The following DENND2A variants were observed in gnomAD, a reference collection of about 807,000 sequenced individuals.
DENND2A encodes DENN domain containing 2A.
DENND2A carries 53 observed loss-of-function variants against 105.3 expected under a neutral mutation model. That is an observed-to-expected ratio of 0.50 (90% CI 0.40 to 0.63). The LOEUF is 0.63. DENND2A is among the 30% of genes least tolerant of loss of function. The pLI, the probability that DENND2A is intolerant of heterozygous loss-of-function variation, is 0.00. For synonymous variants in DENND2A, 522 were observed against 508.4 expected (o/e 1.03, Z -0.36); for missense variants, 1,138 against 1,279.6 (o/e 0.89, Z 1.69).
chr7:140,566,182 C>T (rs2130590257), intron 9 of DENND2A, among the ~76,000 whole-genome samples: 1 of 152,256 alleles, frequency 6.6e-6, no homozygotes, highest in South Asian at 2.1e-4. Flanking sequence ...TAGGCGCCTG[C>T]CACCACGCCC....
chr7:140,530,815 C>G (rs893003461), intron 14 of DENND2A, among the ~76,000 whole-genome samples: 4 of 152,008 alleles, frequency 2.6e-5, no homozygotes, highest in African/African-American at 9.7e-5. Flanking sequence ...ACTGCAACCT[C>G]CACCTCCCGT....
At chr7:140,573,723 A>G (rs1380086673) in intron 6 of DENND2A, 85 bp downstream of exon 6, 1 of 1,438,972 alleles carries the variant, frequency 6.9e-7, no homozygotes, top group South Asian at 1.3e-5. Flanking sequence ...CCAGTGATGT[A>G]TTCTCCACCC....
chr7:140,587,007 A>T (rs1798811691), intron 4 of DENND2A, among the ~76,000 whole-genome samples: 1 of 152,048 alleles, frequency 6.6e-6, no homozygotes, highest in African/African-American at 2.4e-5. Context: ...AGATGACTGA[A>T]CTCACCAAAC....
At chr7:140,621,776 G>C (rs921751605) in intron 1 of DENND2A, among the ~76,000 whole-genome samples, 4 of 152,206 alleles carry the variant, frequency 2.6e-5, no homozygotes, top group Non-Finnish European at 5.9e-5. Flanking sequence ...AACACAGTCT[G>C]ATAAGCAAAA....
intron 2 of DENND2A, among the ~76,000 whole-genome samples, chr7:140,605,338 A>G (rs1449948563): frequency 6.6e-6 from 1 of 152,204 alleles, no homozygotes; most frequent in East Asian, 1.9e-4. Flanking sequence ...TCACGCTGGT[A>G]TTAGATGGGA....
At chr7:140,534,867 G>T (rs189589750) in intron 14 of DENND2A, among the ~76,000 whole-genome samples, 40 of 152,318 alleles carry the variant, frequency 2.6e-4, no homozygotes, top group Non-Finnish European at 4.9e-4. Context: ...GGAAGAGAAG[G>T]CCCCAGTGGG....
At chr7:140,625,104 C>T (rs904048941) in intron 1 of DENND2A, among the ~76,000 whole-genome samples, 2 of 152,098 alleles carry the variant, frequency 1.3e-5, no homozygotes, top group South Asian at 2.1e-4. Context: ...AGGCCAGGCA[C>T]GGTGGCTCAT....
intron 11 of DENND2A, among the ~76,000 whole-genome samples, chr7:140,557,440 C>A (rs1176201308): frequency 6.9e-6 from 1 of 145,408 alleles, no homozygotes; most frequent in African/African-American, 2.5e-5. Flanking sequence ...TGGAAACGGA[C>A]ATTCCCACCT....
chr7:140,519,927 A>G (rs1795792822), intron 18 of DENND2A, among the ~76,000 whole-genome samples: 1 of 152,166 alleles, frequency 6.6e-6, no homozygotes, highest in South Asian at 2.1e-4. Context: ...AAAGCTATAA[A>G]GCCACCTCAT....
At chr7:140,629,750 G>C (rs972264917) in intron 1 of DENND2A, among the ~76,000 whole-genome samples, 4 of 152,138 alleles carry the variant, frequency 2.6e-5, no homozygotes, top group Admixed American at 2.6e-4. Flanking sequence ...TGAACTGAGG[G>C]AGACAGTGAA....
At position 140,585,571 on chromosome 7, in the gene DENND2A, T is replaced by C. The variant is rs1437949147; in HGVS notation, c.1245+18A>G. ...GCTTTGGCCCCCTCTCCTGCCACCA[T>C]TCCCAGGGGACTCATACCTTGGTGA... On this transcript the variant is annotated intron_variant, in intron 5 of 19. Transcript: ENST00000496613. 6.2e-7 allele frequency: 1 copy of C among 1,613,716 alleles called. No homozygotes were observed. Among genetic ancestry groups the C allele is most frequent in the African/African-American group, 1.3e-5 (1 of 74,918 alleles).
chr7:140,528,030 G>C (rs1486697352), intron 14 of DENND2A, among the ~76,000 whole-genome samples: 1 of 151,846 alleles, frequency 6.6e-6, no homozygotes, highest in Non-Finnish European at 1.5e-5. Flanking sequence ...TAGTAGCGAT[G>C]GGGTTTCACC....
intron 5 of DENND2A, among the ~76,000 whole-genome samples, chr7:140,584,830 A>T (rs1053542435): frequency 1.3e-5 from 2 of 152,114 alleles, no homozygotes; most frequent in Non-Finnish European, 2.9e-5. Flanking sequence ...ATCTTTATAT[A>T]TATGCATGTT....
intron 5 of DENND2A, among the ~76,000 whole-genome samples, chr7:140,584,451 T>C (rs1239835758): frequency 6.6e-6 from 1 of 152,066 alleles, no homozygotes; most frequent in Non-Finnish European, 1.5e-5. Flanking sequence ...AGAGGGGTAG[T>C]TGGTAGGCTC....
At chr7:140,583,108 G>C (rs1416458950) in intron 5 of DENND2A, among the ~76,000 whole-genome samples, 1 of 151,540 alleles carries the variant, frequency 6.6e-6, no homozygotes, top group Admixed American at 6.6e-5. Context: ...TGGCTAACAC[G>C]GTGAAACCCC....
At chr7:140,563,309 G>C (rs1639945) in intron 9 of DENND2A, among the ~76,000 whole-genome samples, 77,097 of 151,964 alleles carry the variant, frequency 0.51, 21,109 homozygotes, top group East Asian at 0.84. Context: ...CAACCTACGA[G>C]TTATCAGCGC....
chr7:140,555,587 A>AG, intron 12 of DENND2A, 49 bp downstream of exon 12: 3 of 1,562,592 alleles, frequency 1.9e-6, no homozygotes, highest in Non-Finnish European at 2.6e-6. Context: ...AGCCCTCTAG[A>AG]GCCCTCCCGT....
intron 1 of DENND2A, among the ~76,000 whole-genome samples, chr7:140,638,846 A>G (rs537280407): frequency 6.6e-6 from 1 of 152,272 alleles, no homozygotes; most frequent in Non-Finnish European, 1.5e-5. Flanking sequence ...GGGCTGCCCT[A>G]GTTCTATGCC....
At chr7:140,526,221 G>A (rs1349387707) in intron 15 of DENND2A, among the ~76,000 whole-genome samples, 2 of 152,240 alleles carry the variant, frequency 1.3e-5, no homozygotes, top group Non-Finnish European at 2.9e-5. Flanking sequence ...GGGGAGAGGA[G>A]GAGAGAAACC....
Sources: gnomAD v4.1 joint callset for allele counts (sites outside exome capture counted in the v4.1 genomes callset) on GRCh38, gnomAD v4.1.1 for gene constraint, MANE v1.5 for transcripts, NCBI Gene and HGNC (gene_info 2026-07-23, HGNC 2026-07-21) for gene names.